Variants in PDZD9 observed in about 807,000 individuals in gnomAD.
PDZD9 encodes the protein PDZ domain-containing protein 9.
In PDZD9, 13 loss-of-function variants were observed where a neutral mutation model predicts 16.3. The observed-to-expected ratio is 0.80, with a 90% confidence interval of 0.52 to 1.27. The LOEUF is 1.27. Ranked by LOEUF, PDZD9 falls within the 50% of genes most tolerant of loss-of-function variation. The pLI, the probability that PDZD9 is intolerant of heterozygous loss-of-function variation, is 0.00. For missense variants in PDZD9, 288 were observed against 310.9 expected, an observed-to-expected ratio of 0.93 and a Z score of 0.55; for synonymous variants, 120 against 111.0, an observed-to-expected ratio of 1.08 and a Z score of -0.51.
At chr16:21,976,704 C>T in the PDZD9 span, 1 of 152,832 alleles carries the variant, frequency 6.5e-6, no homozygotes, top group Non-Finnish European at 1.5e-5. Context: ...TCCAGCCAAA[C>T]AAACATAAGT....
At chr16:21,990,829 A>C (rs1318060425) in intron 2 of PDZD9, among the ~76,000 whole-genome samples, 1 of 152,212 alleles carries the variant, frequency 6.6e-6, no homozygotes, top group Admixed American at 6.5e-5. Context: ...TTCTGGCTGT[A>C]AACCAAACAT....
intron 1 of PDZD9, chr16:21,999,619 C>CG (rs1555518492): frequency 6.7e-6 from 1 of 150,316 alleles, no homozygotes; most frequent in Non-Finnish European, 1.5e-5. Flanking sequence ...TGATGCTGTG[C>CG]GGAAAAAAGC....
chr16:21,986,353 C>A (rs2141954535), intron 3 of PDZD9, among the ~76,000 whole-genome samples: 1 of 152,222 alleles, frequency 6.6e-6, no homozygotes, highest in South Asian at 2.1e-4. Flanking sequence ...ACTGTTCTAT[C>A]TTTTCTTTGC....
the PDZD9 span, chr16:21,976,167 G>A: frequency 3.7e-6 from 6 of 1,613,606 alleles, no homozygotes; most frequent in Non-Finnish European, 4.2e-6. Context: ...TCTGTCCTAG[G>A]TTATCAAGGC....
chr16:21,977,115 A>G, the PDZD9 span, among the ~76,000 whole-genome samples: 1 of 152,128 alleles, frequency 6.6e-6, no homozygotes, highest in African/African-American at 2.4e-5. Context: ...GGACTTTGGG[A>G]GGCTGGGGCA....
At chr16:21,961,007 T>C in the PDZD9 span, among the ~76,000 whole-genome samples, 1 of 152,124 alleles carries the variant, frequency 6.6e-6, no homozygotes, top group East Asian at 1.9e-4. Flanking sequence ...ATTTTTTATT[T>C]TTTGTACAAA....
At position 21,988,335 on chromosome 16, in the gene PDZD9, C is replaced by T. The variant is rs140895560; in HGVS notation, c.401+267G>A. On this transcript the variant is annotated intron_variant, in intron 3 of 3. Coordinates refer to ENST00000424898, the MANE Select transcript of PDZD9 (RefSeq NM_001363519.1). ...CAAGAAGCATTTTTAAGGGCTGACTCGGGAAAGAGGGGCACCATACAGGTA... is the reference window on the plus strand; with the variant it reads ...CAAGAAGCATTTTTAAGGGCTGACTTGGGAAAGAGGGGCACCATACAGGTA... Among the ~76,000 whole-genome samples the T allele has an allele frequency of 1.6e-3, 248 of 152,098 alleles. 1 individual carries two copies. The highest frequency in any genetic ancestry group is 0.014 in the Middle Eastern group (4 of 294).
At chr16:21,993,030 C>T (rs1252310570) in intron 2 of PDZD9, among the ~76,000 whole-genome samples, 1 of 152,118 alleles carries the variant, frequency 6.6e-6, no homozygotes, top group Non-Finnish European at 1.5e-5. Context: ...GAAGAAAATG[C>T]CTGATTCCTC....
the PDZD9 span, among the ~76,000 whole-genome samples, chr16:21,978,811 C>T: frequency 2.0e-5 from 3 of 152,122 alleles, no homozygotes; most frequent in African/African-American, 7.2e-5. Context: ...GGGGCACATA[C>T]CTTAAAATTG....
At chr16:21,965,196 G>C in the PDZD9 span, among the ~76,000 whole-genome samples, 1 of 152,196 alleles carries the variant, frequency 6.6e-6, no homozygotes, top group African/African-American at 2.4e-5. Context: ...AGAAGCTGCT[G>C]CCATGTAATC....
At chr16:21,976,071 T>C in the PDZD9 span, 1 of 770,608 alleles carries the variant, frequency 1.3e-6, no homozygotes. Context: ...GGAACTAACC[T>C]TCCATCTGTG....
chr16:21,957,561 A>G, the PDZD9 span: 1 of 1,614,044 alleles, frequency 6.2e-7, no homozygotes, highest in Admixed American at 1.7e-5. Context: ...TCTTACATCC[A>G]GTCTGGTGAG....
chr16:21,962,335 A>G, the PDZD9 span: 2 of 1,129,564 alleles, frequency 1.8e-6, no homozygotes, highest in Non-Finnish European at 2.5e-6. Flanking sequence ...GTTTTGTTAT[A>G]TTATTGTTCG....
chr16:21,990,428 C>G (rs540593435), intron 2 of PDZD9, among the ~76,000 whole-genome samples: 5 of 152,306 alleles, frequency 3.3e-5, no homozygotes, highest in African/African-American at 1.2e-4. Flanking sequence ...GGACAAATGT[C>G]CATAGCTCTA....
At chr16:21,973,842 G>A in the PDZD9 span, 114 of 1,524,204 alleles carry the variant, frequency 7.5e-5, no homozygotes, top group African/African-American at 1.1e-4. Flanking sequence ...TAAAGAAATC[G>A]TGCCCTGTTT....
rs953480581 is a variant in PDZD9, at chr16:21,984,539, G to A, written c.523C>T (p.Pro175Ser). ...GAGATGGATATTGGTCTCCTTGCAG[G>A]GTGATGCACAGTTGACCACGGATAT... is the stretch of plus-strand genomic sequence containing the variant. The part of the protein sequence containing the change: ...YRYPWSTVHH[P>S]ARRPISISRD... The change falls in exon 4 of 4, where the codon CCT (proline) becomes TCT (serine). Residue 175 changes from proline (P) to serine (S), a missense_variant. Transcript: ENST00000424898. 14 of 1,601,476 alleles carry A rather than the reference G, an allele frequency of 8.7e-6. No individual in the cohort carries two copies. The highest frequency in any genetic ancestry group is 1.7e-5 in the Admixed American group (1 of 59,730).
chr16:21,966,469 A>C, the PDZD9 span, among the ~76,000 whole-genome samples: 1 of 152,222 alleles, frequency 6.6e-6, no homozygotes, highest in Non-Finnish European at 1.5e-5. Flanking sequence ...AGACCCAAAA[A>C]CAAATTTTAT....
chr16:21,963,098 C>G, the PDZD9 span: 1 of 410,412 alleles, frequency 2.4e-6, no homozygotes, highest in East Asian at 5.3e-5. Flanking sequence ...AAGCAATTCT[C>G]CTGCCTCAGC....
downstream of PDZD9, among the ~76,000 whole-genome samples, chr16:21,982,855 C>T (rs747136640): frequency 3.3e-5 from 5 of 151,342 alleles, no homozygotes; most frequent in East Asian, 9.7e-4. Flanking sequence ...ATCCCAGCTC[C>T]TTGGGAGGGT....
Sources: gnomAD v4.1 joint callset for allele counts (sites outside exome capture counted in the v4.1 genomes callset) on GRCh38, gnomAD v4.1.1 for gene constraint, MANE v1.5 for transcripts, NCBI Gene and HGNC (gene_info 2026-07-23, HGNC 2026-07-21) for gene names.